Variants in TMEM207 observed in about 807,000 individuals in gnomAD.
The protein encoded by TMEM207 is transmembrane protein 207.
A neutral mutation model predicts 17.4 loss-of-function variants in TMEM207; 15 were observed. That is an observed-to-expected ratio of 0.86 (90% CI 0.58 to 1.33). The LOEUF is 1.33. Ranked by LOEUF, TMEM207 falls within the 40% of genes most tolerant of loss-of-function variation. The pLI is 0.00. For synonymous variants in TMEM207, 70 were observed against 65.6 expected, an observed-to-expected ratio of 1.07 and a Z score of -0.33; for missense variants, 205 against 173.8, an observed-to-expected ratio of 1.18 and a Z score of -1.01.
intron 4 of TMEM207, among the ~76,000 whole-genome samples, chr3:190,431,647 A>G (rs1015751043): frequency 6.6e-6 from 1 of 151,986 alleles, no homozygotes; most frequent in African/African-American, 2.4e-5. Context: ...AATGATGGCT[A>G]TTTTCTTGGT....
chr3:190,448,211 C>T (rs1190710419), intron 1 of TMEM207, among the ~76,000 whole-genome samples: 4 of 150,708 alleles, frequency 2.7e-5, no homozygotes, highest in Non-Finnish European at 4.4e-5. Flanking sequence ...ATTATTTTCA[C>T]GCAAAAAAAA....
chr3:190,433,941 C>T (rs549133028), intron 4 of TMEM207, among the ~76,000 whole-genome samples: 6 of 152,244 alleles, frequency 3.9e-5, no homozygotes, highest in East Asian at 1.9e-4. Flanking sequence ...TCTCTTCCTC[C>T]TGGCCCAGCC....
intron 4 of TMEM207, 52 bp downstream of exon 4, chr3:190,440,192 C>A: frequency 1.3e-6 from 2 of 1,551,050 alleles, no homozygotes; most frequent in Non-Finnish European, 1.7e-6. Context: ...TTCAATTAAC[C>A]GCAAAACCAC....
intron 2 of TMEM207, 110 bp downstream of exon 2, chr3:190,447,680 A>G (rs1363914636): frequency 3.2e-5 from 33 of 1,031,800 alleles, no homozygotes; most frequent in African/African-American, 4.9e-5. Context: ...TTCTGATTAT[A>G]ATGATCATTT....
At chr3:190,444,501 A>G in intron 2 of TMEM207, 1 of 898,552 alleles carries the variant, frequency 1.1e-6, no homozygotes, top group Non-Finnish European at 1.3e-6. Flanking sequence ...AAATACTGAA[A>G]ATTAAAAAAA....
At chr3:190,437,410 T>C (rs921091433) in intron 4 of TMEM207, among the ~76,000 whole-genome samples, 1 of 152,210 alleles carries the variant, frequency 6.6e-6, no homozygotes, top group Non-Finnish European at 1.5e-5. Flanking sequence ...GAGAAGTACA[T>C]AACATCCTCT....
At chr3:190,445,732 G>A (rs1720030925) in intron 2 of TMEM207, among the ~76,000 whole-genome samples, 1 of 152,138 alleles carries the variant, frequency 6.6e-6, no homozygotes, top group South Asian at 2.1e-4. Context: ...CACCATGTTG[G>A]CCAGGCTGGT....
chr3:190,429,853 T>C (rs781175152), intron 4 of TMEM207, 122 bp from the exon 5 acceptor site: 6 of 1,235,316 alleles, frequency 4.9e-6, no homozygotes, highest in Non-Finnish European at 6.5e-6. Context: ...TATTTGTATC[T>C]ATGAGAAAAA....
intron 2 of TMEM207, among the ~76,000 whole-genome samples, chr3:190,446,255 A>G (rs1720042579): frequency 6.6e-6 from 1 of 152,196 alleles, no homozygotes; most frequent in Admixed American, 6.5e-5. Flanking sequence ...AAGTGATTTG[A>G]AACTGAAATC....
intron 2 of TMEM207, chr3:190,444,604 A>G (rs1368284457): frequency 3.9e-6 from 1 of 257,520 alleles, no homozygotes; most frequent in Non-Finnish European, 6.1e-6. Context: ...AATACCGTAT[A>G]TAAAATTTGA....
At chr3:190,431,290 A>G (rs1719686992) in intron 4 of TMEM207, among the ~76,000 whole-genome samples, 1 of 152,148 alleles carries the variant, frequency 6.6e-6, no homozygotes, top group Non-Finnish European at 1.5e-5. Context: ...ATGAGCATAA[A>G]GTACTTAAAA....
At chr3:190,449,394 T>A (rs1460058800) in intron 1 of TMEM207, among the ~76,000 whole-genome samples, 2 of 152,200 alleles carry the variant, frequency 1.3e-5, no homozygotes, top group Non-Finnish European at 2.9e-5. Flanking sequence ...AGTAAACATG[T>A]CTTAAATTAA....
intron 4 of TMEM207, among the ~76,000 whole-genome samples, chr3:190,436,377 A>T (rs1719803125): frequency 3.9e-5 from 6 of 152,180 alleles, no homozygotes; most frequent in Admixed American, 3.9e-4. Context: ...GTATTCTAAC[A>T]TGTCACCAGT....
chr3:190,448,469 T>G (rs1418496085), intron 1 of TMEM207, among the ~76,000 whole-genome samples: 1 of 152,180 alleles, frequency 6.6e-6, no homozygotes, highest in African/African-American at 2.4e-5. Context: ...CTTAGTTATC[T>G]GCACTGAGTG....
intron 4 of TMEM207, among the ~76,000 whole-genome samples, chr3:190,434,544 G>A (rs144587493): frequency 7.2e-4 from 110 of 152,224 alleles, no homozygotes; most frequent in African/African-American, 2.4e-3. Context: ...TTTGTAAATC[G>A]CTCAGTTTCA....
At chr3:190,444,479 A>G (rs1560108859) in intron 2 of TMEM207, 1 of 982,240 alleles carries the variant, frequency 1.0e-6, no homozygotes, top group African/African-American at 1.8e-5. Flanking sequence ...CCGTGTTCCA[A>G]ATGCTTTAAG....
In TMEM207 at chr3:190,429,623, G is replaced by A; in HGVS notation, c.413C>T (p.Pro138Leu). 6.2e-7 allele frequency: 1 copy of A among 1,613,526 alleles called. No homozygotes were observed. The highest frequency in any genetic ancestry group is 2.2e-5 in the East Asian group (1 of 44,852). ...GGTTGTTTTTACAATTTCTTCATAT[G>A]GAGGTGGGGAGCCTAAAGGGCCAAA... ...PCFGPLGSPP[P>L]YEEIVKTT The change falls in exon 5 of 5, where the codon CCA (proline) becomes CTA (leucine). Residue 138 changes from proline to leucine, a missense_variant. Transcript: ENST00000354905.
intron 4 of TMEM207, among the ~76,000 whole-genome samples, chr3:190,433,869 A>T (rs1179993521): frequency 1.3e-5 from 2 of 152,090 alleles, no homozygotes; most frequent in Non-Finnish European, 2.9e-5. Context: ...TGCTGTTCTC[A>T]TGATAGTGAG....
At chr3:190,444,488 A>G in intron 2 of TMEM207, 1 of 969,274 alleles carries the variant, frequency 1.0e-6, no homozygotes, top group Non-Finnish European at 1.2e-6. Flanking sequence ...AAATGCTTTA[A>G]GGAAATACTG....
Sources: allele counts gnomAD v4.1 joint callset (sites outside exome capture counted in the v4.1 genomes callset), GRCh38; gene constraint gnomAD v4.1.1; transcripts MANE v1.5; gene names NCBI Gene and HGNC (gene_info 2026-07-23, HGNC 2026-07-21).